CPNE3: variants seen among roughly 807,000 people sequenced by gnomAD.
CPNE3 encodes copine-3.
A neutral mutation model predicts 63.9 loss-of-function variants in CPNE3; 68 were observed. That is an observed-to-expected ratio of 1.06 (90% CI 0.87 to 1.30). The LOEUF (loss-of-function observed/expected upper bound fraction) is 1.30. Ranked by LOEUF, CPNE3 falls within the 50% of genes most tolerant of loss-of-function variation. The pLI is 0.00. For missense variants in CPNE3, 665 were observed against 578.1 expected (o/e 1.15, Z -1.54); for synonymous variants, 219 against 197.5 (o/e 1.11, Z -0.91).
At chr8:86,525,445 G>A (rs72690449) in intron 2 of CPNE3, among the ~76,000 whole-genome samples, 8,254 of 152,146 alleles carry the variant, frequency 0.054, 315 homozygotes, top group Non-Finnish European at 0.087. Context: ...TCTTCCATTT[G>A]CCATTCAGCC....
chr8:86,548,276 A>G (rs764994044), intron 11 of CPNE3, 25 bp from the exon 12 acceptor site: 2 of 1,612,646 alleles, frequency 1.2e-6, no homozygotes, highest in Non-Finnish European at 8.5e-7. Context: ...TCTCCTTACT[A>G]AGGGCTGCAA....
intron 6 of CPNE3, among the ~76,000 whole-genome samples, chr8:86,536,328 C>T (rs530981682): frequency 1.4e-5 from 2 of 148,112 alleles, no homozygotes; most frequent in Non-Finnish European, 3.0e-5. Flanking sequence ...CTCCACTTTG[C>T]TTCTTTTACT....
In CPNE3 at chr8:86,540,121, G is replaced by A. The variant is rs550583931; in HGVS notation, c.544-124G>A. ...TCTAGGTAGTTTTTTTGTGGAAATA[G>A]TTGAGTTGATGAAGAGGTGGAGGAC... On this transcript the variant is annotated intron_variant, in intron 7 of 16. Coordinates refer to ENST00000517490, the MANE Select transcript of CPNE3 (RefSeq NM_003909.5). 1.1e-5 allele frequency: 7 copies of A among 655,014 alleles called. No individual in the cohort carries two copies. In the East Asian group the frequency reaches 1.4e-4, roughly 13 times the overall value. The allele number at this position is 655,014 out of a possible 1,614,324, so 40.6% of individuals were successfully genotyped here.
At chr8:86,544,440 T>C (rs961892381) in intron 8 of CPNE3, among the ~76,000 whole-genome samples, 9 of 152,218 alleles carry the variant, frequency 5.9e-5, no homozygotes, top group East Asian at 1.9e-4. Context: ...TCAGCACTTA[T>C]AGAAGGCATG....
intron 4 of CPNE3, among the ~76,000 whole-genome samples, chr8:86,529,373 T>C (rs1224593481): frequency 6.6e-6 from 1 of 152,206 alleles, no homozygotes; most frequent in Non-Finnish European, 1.5e-5. Context: ...TGAGGCATTT[T>C]ATTAAGTAAT....
rs1821365123 is a variant in CPNE3 at position 86,558,293 on chromosome 8, A to C, written c.1497A>C (p.Pro499=). 1 of 872,936 alleles carries C rather than the reference A, an allele frequency of 1.1e-6. No individual in the cohort carries two copies. Among genetic ancestry groups the C allele is most frequent in the East Asian group, 2.4e-5 (1 of 41,704 alleles). 54.1% of individuals were successfully genotyped at this position (872,936 alleles called of 1,614,324 possible). A position where few individuals can be genotyped will look rare whatever the true frequency, so the allele number is the denominator to read the frequency against. The change falls in exon 17 of 17, where the codon CCA becomes CCC. Residue 499 remains proline, a synonymous_variant. Transcript: ENST00000517490. ...TTTATTTTGTTTTTCACAAGGCTCC[A>C]AAAGAAGCACTTGCTCAGTGTGTCT... is the stretch of plus-strand genomic sequence containing the variant. The part of the protein sequence containing the change: ...FVPFRQFQNA[P]KEALAQCVLA...
Position 86,558,770 on chromosome 8 carries a change from T to C in CPNE3, c.*360T>C, listed in dbSNP as rs990826767. ...GAAGAATGGAAAACTGTTGGGATGATGTGGTTTGCAGGTTGCTGTGCCTGA... is the reference window on the plus strand; with the variant it reads ...GAAGAATGGAAAACTGTTGGGATGACGTGGTTTGCAGGTTGCTGTGCCTGA... On this transcript the variant is annotated 3_prime_UTR_variant, in exon 17 of 17. Coordinates refer to ENST00000517490, the MANE Select transcript of CPNE3 (RefSeq NM_003909.5). 21 of 246,004 alleles carry C rather than the reference T, an allele frequency of 8.5e-5. No individual in the cohort carries two copies. Among genetic ancestry groups the C allele is most frequent in the African/African-American group, 4.4e-4 (20 of 45,418 alleles). The allele number at this position is 246,004 out of a possible 1,614,324, so 15.2% of individuals were successfully genotyped here.
chr8:86,549,482 C>T (rs1004438721), intron 12 of CPNE3, among the ~76,000 whole-genome samples: 1 of 151,928 alleles, frequency 6.6e-6, no homozygotes, highest in Non-Finnish European at 1.5e-5. Flanking sequence ...AGAAATAGAC[C>T]CATGCATATA....
Position 86,525,786 on chromosome 8 carries a change from T to G in CPNE3, c.-10-2750T>G, listed in dbSNP as rs531833999. Among the ~76,000 whole-genome samples, 105 of 152,292 alleles carry G rather than the reference T, an allele frequency of 6.9e-4. 2 individuals carry two copies. In the South Asian group the frequency reaches 0.012, roughly 17 times the overall value. ...GTAGAGAATCCTCTACATGTTTTTT[T>G]GGGGGAAGCTTTAGCTATTGTTGCT... On this transcript the variant is annotated intron_variant, in intron 2 of 16. Transcript: ENST00000517490.
chr8:86,531,948 G>A (rs568990210), intron 5 of CPNE3, among the ~76,000 whole-genome samples: 1 of 152,260 alleles, frequency 6.6e-6, no homozygotes, highest in South Asian at 2.1e-4. Context: ...ATTTCTCTGA[G>A]CAGCTGTTTT....
intron 2 of CPNE3, among the ~76,000 whole-genome samples, chr8:86,522,927 G>A (rs985190178): frequency 1.1e-4 from 17 of 152,084 alleles, no homozygotes; most frequent in Non-Finnish European, 2.4e-4. Context: ...CCTCACCTGC[G>A]TACCTTATCT....
chr8:86,524,379 T>C (rs1050054057), intron 2 of CPNE3, among the ~76,000 whole-genome samples: 2 of 152,190 alleles, frequency 1.3e-5, no homozygotes, highest in Admixed American at 1.3e-4. Context: ...GTTATAATAT[T>C]GATTCAGAAC....
rs2131482006 is a variant in CPNE3 at position 86,546,683 on chromosome 8, T to G, written c.819+2T>G. ...GTTATCAGTGTGAAACAGTGTGAGGTCCGTTGGCCTTGGCTACTTATTTTT... is the reference window on the plus strand; with the variant it reads ...GTTATCAGTGTGAAACAGTGTGAGGGCCGTTGGCCTTGGCTACTTATTTTT... On this transcript the variant is annotated splice_donor_variant, in intron 10 of 16. Coordinates refer to ENST00000517490, the MANE Select transcript of CPNE3 (RefSeq NM_003909.5). LOFTEE classifies it high-confidence loss of function. The G allele has an allele frequency of 6.3e-7, 1 of 1,594,276 alleles. No individual in the cohort carries two copies. The highest frequency in any genetic ancestry group is 1.4e-5 in the African/African-American group (1 of 73,478).
chr8:86,554,479 ACT>A (rs1821266565), intron 14 of CPNE3, among the ~76,000 whole-genome samples: 3 of 152,262 alleles, frequency 2.0e-5, no homozygotes, highest in Non-Finnish European at 2.9e-5. Flanking sequence ...TTTATTAATA[ACT>A]CTTTCTTACC....
In CPNE3 at chr8:86,525,488, A is replaced by G. The variant is rs981223461; in HGVS notation, c.-10-3048A>G. ...GTTTCAGGATAACATTGAGACCAGC[A>G]CAGAGTCATTTTTCAGAGAGGAATG... is the stretch of plus-strand genomic sequence containing the variant. On this transcript the variant is annotated intron_variant, in intron 2 of 16. Coordinates refer to ENST00000517490, the MANE Select transcript of CPNE3 (RefSeq NM_003909.5). Among the ~76,000 whole-genome samples, 15 of 152,214 alleles carry G rather than the reference A, an allele frequency of 9.9e-5. No individual in the cohort carries two copies. In the East Asian group the frequency reaches 2.3e-3, roughly 23 times the overall value.
rs1203423949 is a variant in CPNE3 at position 86,558,285 on chromosome 8, A to G, written c.1492-3A>G. 2.3e-6 allele frequency: 2 copies of G among 872,914 alleles called. No individual in the cohort carries two copies. The highest frequency in any genetic ancestry group is 3.4e-5 in the Admixed American group (2 of 59,184). The allele number at this position is 872,914 out of a possible 1,614,324, so 54.1% of individuals were successfully genotyped here. A position where few individuals can be genotyped will look rare whatever the true frequency, so the allele number is the denominator to read the frequency against. On this transcript the variant is annotated splice_polypyrimidine_tract_variant and splice_region_variant and intron_variant, in intron 16 of 16. Coordinates refer to ENST00000517490, the MANE Select transcript of CPNE3 (RefSeq NM_003909.5). ...AAGTCACTTTTATTTTGTTTTTCAC[A>G]AGGCTCCAAAAGAAGCACTTGCTCA...
intron 2 of CPNE3, among the ~76,000 whole-genome samples, chr8:86,517,137 T>G (rs1369469016): frequency 6.6e-6 from 1 of 152,158 alleles, no homozygotes; most frequent in Admixed American, 6.6e-5. Context: ...GTATTGGGGT[T>G]TTTTTTGGAG....
intron 7 of CPNE3, among the ~76,000 whole-genome samples, chr8:86,538,606 C>A (rs567770213): frequency 1.2e-4 from 19 of 152,198 alleles, no homozygotes; most frequent in African/African-American, 4.1e-4. Flanking sequence ...ATTATATTCC[C>A]AATAGAGGAC....
intron 2 of CPNE3, among the ~76,000 whole-genome samples, chr8:86,519,230 T>G (rs1820380619): frequency 6.6e-6 from 1 of 152,168 alleles, no homozygotes; most frequent in South Asian, 2.1e-4. Context: ...TAAGTAAACT[T>G]TGTAGCCAGT....
Sources: gnomAD v4.1 joint callset for allele counts (sites outside exome capture counted in the v4.1 genomes callset) on GRCh38, gnomAD v4.1.1 for gene constraint, MANE v1.5 for transcripts, NCBI Gene and HGNC (gene_info 2026-07-23, HGNC 2026-07-21) for gene names.